The following EMILIN2 variants were observed in gnomAD, a reference collection of about 807,000 sequenced individuals.
The protein encoded by EMILIN2 is EMILIN-2.
EMILIN2 carries 71 observed loss-of-function variants against 87.1 expected under a neutral mutation model. The ratio of observed to expected loss-of-function variants is 0.82; its 90% confidence interval spans 0.67 to 0.99. The LOEUF (loss-of-function observed/expected upper bound fraction) is 0.99, where lower values mean the gene tolerates loss of function less well. EMILIN2 is among the 50% of genes least tolerant of loss of function. The pLI is 0.00. For synonymous variants in EMILIN2, 581 were observed against 563.4 expected (o/e 1.03, Z -0.44); for missense variants, 1,407 against 1,371.8 (o/e 1.03, Z -0.40).
Position 2,894,189 on chromosome 18 carries a change from G to A in EMILIN2, c.2359+1703G>A, listed in dbSNP as rs1267083445. ...GCGTAGGCTAGAACGTGGGAAGCAG[G>A]CGAGCTCTGGCTTGGTCAGGGAGAG... On this transcript the variant is annotated intron_variant, in intron 4 of 7. Transcript: ENST00000254528. The surrounding 1 kb of genome is among the most constrained non-coding windows in gnomAD (Gnocchi z 5.0). Among the ~76,000 whole-genome samples the A allele has an allele frequency of 6.6e-6, 1 of 152,084 alleles. No individual in the cohort carries two copies. Among genetic ancestry groups the A allele is most frequent in the African/African-American group, 2.4e-5 (1 of 41,422 alleles).
chr18:2,906,794 C>CCCCCGCCG lies in EMILIN2; in HGVS notation c.2375_2382dup (p.Ala795ArgfsTer104). 5 of 1,265,672 alleles carry CCCCCGCCG rather than the reference C, an allele frequency of 4.0e-6. No individual in the cohort carries two copies. Among genetic ancestry groups the CCCCCGCCG allele is most frequent in the Non-Finnish European group, 4.0e-6 (4 of 1,010,342 alleles). The allele number at this position is 1,265,672 out of a possible 1,614,324, so 78.4% of individuals were successfully genotyped here. A position where few individuals can be genotyped will look rare whatever the true frequency, so the allele number is the denominator to read the frequency against. ...CCGACGCCCGGCAGAGGCGCCCTCG[C>CCCCCGCCG]CCCCGCCGCCCGCAGAGGCCCCGAA... is the stretch of plus-strand genomic sequence containing the variant. On this transcript the variant is annotated frameshift_variant, in exon 5 of 8. Coordinates refer to ENST00000254528, the MANE Select transcript of EMILIN2 (RefSeq NM_032048.3). LOFTEE classifies it high-confidence loss of function.
rs530836564 is a variant in EMILIN2 at position 2,847,719 on chromosome 18, C to T, written c.135-90C>T. The T allele has an allele frequency of 4.0e-6, 6 of 1,510,826 alleles. No individual in the cohort carries two copies. In the South Asian group the frequency reaches 7.7e-5, roughly 19 times the overall value. 93.6% of individuals were successfully genotyped at this position (1,510,826 alleles called of 1,614,324 possible). A position where few individuals can be genotyped will look rare whatever the true frequency, so the allele number is the denominator to read the frequency against. On this transcript the variant is annotated intron_variant, in intron 1 of 7. Transcript: ENST00000254528. This position sits in a 1 kb window ranked among gnomAD's most constrained non-coding sequence, Gnocchi z 4.5. ...GGGCGACGGGCCCCCCCGACCCTCGCTCGGTCTGGTGCCGCAGTCCCCTCT... is the reference window on the plus strand; with the variant it reads ...GGGCGACGGGCCCCCCCGACCCTCGTTCGGTCTGGTGCCGCAGTCCCCTCT...
At chr18:2,861,172 A>G (rs1378536848) in intron 2 of EMILIN2, among the ~76,000 whole-genome samples, 1 of 152,102 alleles carries the variant, frequency 6.6e-6, no homozygotes, top group African/African-American at 2.4e-5. Flanking sequence ...ATGTTCTCCC[A>G]TTCTGTAGGT....
rs943668602 is a variant in EMILIN2, at chr18:2,880,189, A to G, written c.258-4775A>G. ...AGTAGAAGGAGTCTTTGTGGGGGTG[A>G]CATCAAGTGGAGGTACTGTCATTTT... On this transcript the variant is annotated intron_variant, in intron 2 of 7. Transcript: ENST00000254528. This position sits in a 1 kb window ranked among gnomAD's most constrained non-coding sequence, Gnocchi z 4.1. Among the ~76,000 whole-genome samples the G allele has an allele frequency of 2.0e-5, 3 of 152,114 alleles. No individual in the cohort carries two copies. Among genetic ancestry groups the G allele is most frequent in the African/African-American group, 7.2e-5 (3 of 41,406 alleles).
At chr18:2,868,682 G>A (rs2076702891) in intron 2 of EMILIN2, among the ~76,000 whole-genome samples, 1 of 152,250 alleles carries the variant, frequency 6.6e-6, no homozygotes. Flanking sequence ...TGCAATCGCA[G>A]GCACTCGGCA....
At chr18:2,866,216 C>A (rs9957148) in intron 2 of EMILIN2, among the ~76,000 whole-genome samples, 1 of 152,152 alleles carries the variant, frequency 6.6e-6, no homozygotes, top group Non-Finnish European at 1.5e-5. Context: ...ACCCACTGTC[C>A]GACACTCCCC....
chr18:2,861,548 T>C (rs1347954730), intron 2 of EMILIN2, among the ~76,000 whole-genome samples: 1 of 152,216 alleles, frequency 6.6e-6, no homozygotes, highest in African/African-American at 2.4e-5. Flanking sequence ...GTTGTAGATA[T>C]GCAGCATTAT....
At chr18:2,863,511 T>C (rs1303193028) in intron 2 of EMILIN2, among the ~76,000 whole-genome samples, 2 of 151,934 alleles carry the variant, frequency 1.3e-5, no homozygotes, top group Non-Finnish European at 2.9e-5. Context: ...TTTTTCAGTT[T>C]CCATGTAGTT....
At position 2,907,057 on chromosome 18, in the gene EMILIN2, C is replaced by A. The variant is rs772430809; in HGVS notation, c.2634C>A (p.Pro878=). The A allele has an allele frequency of 3.9e-6, 5 of 1,267,100 alleles. No homozygotes were observed. The highest frequency in any genetic ancestry group is 4.9e-6 in the Non-Finnish European group (5 of 1,010,718). The allele number at this position is 1,267,100 out of a possible 1,614,324, so 78.5% of individuals were successfully genotyped here. A position where few individuals can be genotyped will look rare whatever the true frequency, so the allele number is the denominator to read the frequency against. The stretch of plus-strand genomic sequence containing the variant: ...GCCAGACCGGGAGCGGCACCGTCCC[C>A]GGCGCAGAAGGCTTCGCGGGCGCAC... ...VDGQTGSGTV[P]GAEGFAGAPG... is the part of the protein sequence containing the mutation. The change falls in exon 5 of 8, where the codon CCC becomes CCA. Residue 878 remains proline, a synonymous_variant. Coordinates refer to ENST00000254528, the MANE Select transcript of EMILIN2 (RefSeq NM_032048.3).
chr18:2,902,826 G>A (rs2076893940), intron 4 of EMILIN2, among the ~76,000 whole-genome samples: 3 of 152,246 alleles, frequency 2.0e-5, no homozygotes, highest in Admixed American at 1.3e-4. Flanking sequence ...AAATTTGTGT[G>A]TGAAGGAGCA....
rs537811953 is a variant in EMILIN2, at chr18:2,861,097, T to C, written c.257+13166T>C. Among the ~76,000 whole-genome samples, 3 of 152,188 alleles carry C rather than the reference T, an allele frequency of 2.0e-5. No homozygotes were observed. In the East Asian group the frequency reaches 5.8e-4, roughly 29 times the overall value. On this transcript the variant is annotated intron_variant, in intron 2 of 7. Transcript: ENST00000254528. ...TTGATGGGGTTTTTTGTTTTTTTTC[T>C]TGTAAATTTGAGTTCATTGTAGATT...
chr18:2,911,500 CTA>C (rs2076940693), intron 7 of EMILIN2, among the ~76,000 whole-genome samples: 1 of 152,236 alleles, frequency 6.6e-6, no homozygotes, highest in Admixed American at 6.5e-5. Flanking sequence ...TTTTGTCTGA[CTA>C]TTGGGCGACT....
At chr18:2,887,643 A>G (rs2076809660) in intron 3 of EMILIN2, among the ~76,000 whole-genome samples, 1 of 152,200 alleles carries the variant, frequency 6.6e-6, no homozygotes, top group Non-Finnish European at 1.5e-5. Flanking sequence ...CCTGACCAGA[A>G]GCAGTTGCTG....
Position 2,891,981 on chromosome 18 carries a change from A to G in EMILIN2, c.1854A>G (p.Thr618=), listed in dbSNP as rs1343028102. Residue 618 remains threonine (T), a synonymous_variant, in exon 4 of 8, where the codon ACA becomes ACG. Coordinates refer to ENST00000254528, the MANE Select transcript of EMILIN2 (RefSeq NM_032048.3). This position sits in a 1 kb window ranked among gnomAD's most constrained non-coding sequence, Gnocchi z 4.6. The stretch of plus-strand genomic sequence containing the variant: ...TTCTTTATTCTCAATTAAACCACAC[A>G]GAAAATGATGTGACTCATCTTCAAA... ...FSFLYSQLNH[T]ENDVTHLQKE... 3.1e-6 allele frequency: 5 copies of G among 1,614,258 alleles called. No individual in the cohort carries two copies. Among genetic ancestry groups the G allele is most frequent in the Admixed American group, 1.7e-5 (1 of 60,026 alleles).
intron 3 of EMILIN2, among the ~76,000 whole-genome samples, chr18:2,887,586 A>G (rs941247560): frequency 1.2e-4 from 18 of 152,258 alleles, no homozygotes; most frequent in African/African-American, 4.3e-4. Context: ...CATGTGACAC[A>G]CTGGCCCTCT....
At chr18:2,902,208 GA>G (rs918598950) in intron 4 of EMILIN2, among the ~76,000 whole-genome samples, 2 of 152,212 alleles carry the variant, frequency 1.3e-5, no homozygotes, top group African/African-American at 4.8e-5. Context: ...TGGCTGGCAG[GA>G]ATTAGGGTGC....
intron 2 of EMILIN2, among the ~76,000 whole-genome samples, chr18:2,861,401 A>C (rs1026086520): frequency 5.3e-5 from 8 of 152,168 alleles, no homozygotes; most frequent in African/African-American, 1.9e-4. Flanking sequence ...TCTTGAATTA[A>C]TTTTTGTATA....
chr18:2,907,068 G>C lies in EMILIN2; in HGVS notation c.2645G>C (p.Gly882Ala). ...AGCGGCACCGTCCCCGGCGCAGAAGGCTTCGCGGGCGCACCAGGTGAGGCC... is the reference window on the plus strand; with the variant it reads ...AGCGGCACCGTCCCCGGCGCAGAAGCCTTCGCGGGCGCACCAGGTGAGGCC... The part of the protein sequence containing the change: ...TGSGTVPGAE[G>A]FAGAPGYPKS... The change falls in exon 5 of 8, where the codon GGC (glycine) becomes GCC (alanine). Residue 882 changes from glycine (G) to alanine (A), a missense_variant. Transcript: ENST00000254528. The C allele has an allele frequency of 8.0e-7, 1 of 1,255,062 alleles. No individual in the cohort carries two copies. The highest frequency in any genetic ancestry group is 1.0e-6 in the Non-Finnish European group (1 of 1,002,672). The allele number at this position is 1,255,062 out of a possible 1,614,324, so 77.7% of individuals were successfully genotyped here.
At chr18:2,849,141 G>A (rs553220940) in intron 2 of EMILIN2, among the ~76,000 whole-genome samples, 38 of 152,318 alleles carry the variant, frequency 2.5e-4, no homozygotes, top group African/African-American at 8.9e-4. Flanking sequence ...ATAAGGTACT[G>A]TCATCCAACC....
Sources: allele counts gnomAD v4.1 joint callset (sites outside exome capture counted in the v4.1 genomes callset), GRCh38; gene constraint gnomAD v4.1.1; non-coding constraint Gnocchi (gnomAD v3.1); transcripts MANE v1.5; gene names NCBI Gene and HGNC (gene_info 2026-07-23, HGNC 2026-07-21).